The following ABCC1 variants were observed in gnomAD, a reference collection of about 807,000 sequenced individuals.
ABCC1 encodes ATP binding cassette subfamily C member 1 (ABCC1 blood group), also known as multidrug resistance-associated protein 1.
Under a neutral mutation model 172.9 loss-of-function variants are expected in ABCC1, and 83 were observed. That is an observed-to-expected ratio of 0.48 (90% confidence interval 0.40 to 0.58). The LOEUF is 0.58. Ranked by LOEUF, ABCC1 falls within the 20% of genes least tolerant of loss-of-function variation. The pLI is 0.00. For synonymous variants in ABCC1, 937 were observed against 825.2 expected (o/e 1.14, Z -2.32); for missense variants, 1,817 against 2,002.7 (o/e 0.91, Z 1.77).
chr16:16,073,748 C>T (rs923203834), intron 14 of ABCC1, among the ~76,000 whole-genome samples: 1 of 152,104 alleles, frequency 6.6e-6, no homozygotes, highest in Admixed American at 6.6e-5. Context: ...CAGAGTGAGA[C>T]CCTGTCTCAA....
chr16:16,039,544 C>G (rs2048894479), intron 7 of ABCC1, among the ~76,000 whole-genome samples: 1 of 152,070 alleles, frequency 6.6e-6, no homozygotes, highest in African/African-American at 2.4e-5. Flanking sequence ...GCTGGGATTA[C>G]AGGCATGAGC....
At chr16:15,950,093 G>A (rs1445632527) in intron 1 of ABCC1, among the ~76,000 whole-genome samples, 5 of 152,024 alleles carry the variant, frequency 3.3e-5, no homozygotes, top group Non-Finnish European at 7.4e-5. Context: ...CCTGTTTTGG[G>A]GTTCCCGTCT....
chr16:16,126,172 T>G (rs1396158257), intron 26 of ABCC1, among the ~76,000 whole-genome samples: 1 of 152,188 alleles, frequency 6.6e-6, no homozygotes, highest in African/African-American at 2.4e-5. Flanking sequence ...CAGAAGGTAT[T>G]CACATTGTGA....
intron 1 of ABCC1, among the ~76,000 whole-genome samples, chr16:15,998,325 C>G (rs1037059570): frequency 6.6e-6 from 1 of 152,206 alleles, no homozygotes; most frequent in South Asian, 2.1e-4. Flanking sequence ...CAGGGTCTTA[C>G]TTTGTTGCCC....
chr16:16,000,757 G>A (rs2047280699), intron 1 of ABCC1, among the ~76,000 whole-genome samples: 2 of 152,166 alleles, frequency 1.3e-5, no homozygotes, highest in South Asian at 4.1e-4. Flanking sequence ...ACTGTGCCTA[G>A]CCAGATTATT....
chr16:16,086,708 G>T (rs2051021742), intron 17 of ABCC1, 116 bp from the exon 18 acceptor site: 2 of 1,136,704 alleles, frequency 1.8e-6, no homozygotes, highest in Non-Finnish European at 1.3e-6. Context: ...GTCTCAAGCA[G>T]TCCTTCCACC....
chr16:16,018,380 C>G (rs1190914180), intron 5 of ABCC1, among the ~76,000 whole-genome samples: 2 of 152,092 alleles, frequency 1.3e-5, no homozygotes, highest in Admixed American at 6.6e-5. Context: ...GAAATGCCAT[C>G]TCTGCTAAAA....
At chr16:16,035,586 C>G (rs987589131) in intron 6 of ABCC1, among the ~76,000 whole-genome samples, 4 of 151,464 alleles carry the variant, frequency 2.6e-5, no homozygotes, top group Non-Finnish European at 5.9e-5. Context: ...CACCTCCTGG[C>G]CTTGAGCAAT....
intron 1 of ABCC1, among the ~76,000 whole-genome samples, chr16:15,964,672 T>C (rs1159273252): frequency 1.3e-5 from 2 of 152,086 alleles, no homozygotes; most frequent in Non-Finnish European, 1.5e-5. Context: ...GCCAGTTTTT[T>C]TTTTTTAATT....
In ABCC1 at chr16:15,965,607, A is replaced by G. The variant is rs180920743; in HGVS notation, c.48+15808A>G. ...GTGCCCAGCCCCTTTCTCCCTTTTT[A>G]ACTTTTTTGAGACAGCATCTTATAC... On this transcript the variant is annotated intron_variant, in intron 1 of 30. Transcript: ENST00000399410. Among the ~76,000 whole-genome samples the G allele has an allele frequency of 2.7e-3, 400 of 149,082 alleles. 2 individuals carry two copies. The highest frequency in any genetic ancestry group is 4.3e-3 in the Non-Finnish European group (287 of 67,422).
At chr16:15,977,736 C>T (rs2046526741) in intron 1 of ABCC1, among the ~76,000 whole-genome samples, 1 of 152,180 alleles carries the variant, frequency 6.6e-6, no homozygotes, top group Admixed American at 6.5e-5. Flanking sequence ...GTGTGAGCCA[C>T]TGTGTCCAGC....
Position 16,090,667 on chromosome 16 carries a change from A to G in ABCC1, c.2644+79A>G. The G allele has an allele frequency of 2.1e-6, 3 of 1,417,146 alleles. No individual in the cohort carries two copies. In the Admixed American group the frequency reaches 8.7e-5, roughly 41 times the overall value. 87.8% of individuals were successfully genotyped at this position (1,417,146 alleles called of 1,614,324 possible). On this transcript the variant is annotated intron_variant, in intron 19 of 30. Coordinates refer to ENST00000399410, the MANE Select transcript of ABCC1 (RefSeq NM_004996.4). Reference sequence around the variant, plus strand: ...CCACATTGGCCTCTTTGAGGTTGCCACCAGCCACTTGGGGAAGGCGGCTCC... The same window carrying G: ...CCACATTGGCCTCTTTGAGGTTGCCGCCAGCCACTTGGGGAAGGCGGCTCC...
chr16:15,984,191 G>C (rs2046693209), intron 1 of ABCC1, among the ~76,000 whole-genome samples: 1 of 152,212 alleles, frequency 6.6e-6, no homozygotes, highest in Non-Finnish European at 1.5e-5. Context: ...AGGGTGGGAT[G>C]CTTGCAGAAG....
Position 16,136,622 on chromosome 16 carries a change from G to A in ABCC1, c.4270G>A (p.Ala1424Thr), listed in dbSNP as rs746397706. ...TCCTGACAAGCTAGACCATGAATGT[G>A]CAGAAGGCGGGGAGAACCTCAGGTA... is the stretch of plus-strand genomic sequence containing the variant. ...ALPDKLDHEC[A>T]EGGENLSVGQ... The change falls in exon 29 of 31, where the codon GCA (alanine) becomes ACA (threonine). Residue 1424 changes from alanine to threonine, a missense_variant. Physicochemically the swap from Ala to Thr is moderately conservative, Grantham distance 58. This residue lies in a region of ABCC1 where 1,412 missense variants were observed against 1,600.3 expected (regional missense o/e 0.88). Transcript: ENST00000399410. 1.2e-6 allele frequency: 2 copies of A among 1,614,018 alleles called. No individual in the cohort carries two copies. The highest frequency in any genetic ancestry group is 8.5e-7 in the Non-Finnish European group (1 of 1,180,034).
chr16:15,952,392 G>A (rs1597046911), intron 1 of ABCC1, among the ~76,000 whole-genome samples: 1 of 152,182 alleles, frequency 6.6e-6, no homozygotes, highest in African/African-American at 2.4e-5. Flanking sequence ...GTGCTTAGAA[G>A]TCAAGGTCAG....
At chr16:16,125,141 G>T (rs2045373979) in intron 25 of ABCC1, among the ~76,000 whole-genome samples, 1 of 152,170 alleles carries the variant, frequency 6.6e-6, no homozygotes, top group African/African-American at 2.4e-5. Context: ...TTCCTTAGTG[G>T]CCCAAGAGGA....
Position 16,106,861 on chromosome 16 carries a change from G to A in ABCC1, c.2859G>A (p.Ala953=), listed in dbSNP as rs372453304. The change falls in exon 21 of 31, where the codon GCG becomes GCA. Residue 953 remains alanine (A), a synonymous_variant. Coordinates refer to ENST00000399410, the MANE Select transcript of ABCC1 (RefSeq NM_004996.4). ...GGAAGCTGATGGAGGCTGACAAGGC[G>A]CAGACAGGGCAGGTGAGATTCGCTC... ...ETWKLMEADK[A]QTGQVKLSVY... is the part of the protein sequence containing the mutation. 3.2e-5 allele frequency: 51 copies of A among 1,613,992 alleles called. No homozygotes were observed. The highest frequency in any genetic ancestry group is 2.0e-4 in the Admixed American group (12 of 59,994).
intron 19 of ABCC1, among the ~76,000 whole-genome samples, chr16:16,101,192 C>T (rs1009091429): frequency 6.6e-6 from 1 of 151,996 alleles, no homozygotes; most frequent in Non-Finnish European, 1.5e-5. Context: ...CCACCACGCC[C>T]AGCTAATTTT....
intron 14 of ABCC1, among the ~76,000 whole-genome samples, chr16:16,074,613 A>G (rs2151968191): frequency 6.6e-6 from 1 of 152,248 alleles, no homozygotes; most frequent in Non-Finnish European, 1.5e-5. Context: ...TGGAATGTTT[A>G]GCACGCTCTA....
Sources: allele counts gnomAD v4.1 joint callset (sites outside exome capture counted in the v4.1 genomes callset), GRCh38; gene constraint gnomAD v4.1.1; regional missense constraint gnomAD v4.1.1; transcripts MANE v1.5; gene names NCBI Gene and HGNC (gene_info 2026-07-23, HGNC 2026-07-21).